Variants in LINGO2 observed in about 807,000 individuals in gnomAD.
The protein encoded by LINGO2 is leucine-rich repeat and immunoglobulin-like domain-containing nogo receptor-interacting protein 2.
In LINGO2, 14 loss-of-function variants were observed where a neutral mutation model predicts 30.6. The observed-to-expected ratio is 0.46, with a 90% CI of 0.30 to 0.72. LINGO2 has a LOEUF of 0.72. Among genes scored for constraint, LINGO2 ranks in the 30% least tolerant of loss-of-function variants. LINGO2 has a pLI of 0.07. For synonymous variants in LINGO2, 317 were observed against 288.5 expected, an observed-to-expected ratio of 1.10 and a Z score of -1.00; for missense variants, 729 against 751.7, an observed-to-expected ratio of 0.97 and a Z score of 0.35.
intron 4 of LINGO2, among the ~76,000 whole-genome samples, chr9:28,187,511 A>G (rs960010900): frequency 2.0e-5 from 3 of 150,486 alleles, no homozygotes; most frequent in East Asian, 3.9e-4. Context: ...AAAAAAAGAC[A>G]GAGGATTCAC....
the LINGO2 span, among the ~76,000 whole-genome samples, chr9:28,685,169 T>C: frequency 0.15 from 23,145 of 152,212 alleles, 2,448 homozygotes; most frequent in African/African-American, 0.3. Context: ...TCATTCTTTT[T>C]TATGATTGCA....
the LINGO2 span, among the ~76,000 whole-genome samples, chr9:29,201,413 C>A: frequency 1.3e-5 from 2 of 152,148 alleles, no homozygotes; most frequent in South Asian, 4.1e-4. Flanking sequence ...TCAGTGCTTA[C>A]TCAGATACAA....
intron 4 of LINGO2, among the ~76,000 whole-genome samples, chr9:28,199,102 G>A (rs1442832018): frequency 6.6e-6 from 1 of 152,048 alleles, no homozygotes; most frequent in African/African-American, 2.4e-5. Context: ...GTAAATACAT[G>A]TATCATAGTT....
At chr9:28,919,644 T>A in the LINGO2 span, among the ~76,000 whole-genome samples, 2 of 152,134 alleles carry the variant, frequency 1.3e-5, no homozygotes, top group Non-Finnish European at 2.9e-5. Context: ...ATGGACATTC[T>A]TTTATTCAGT....
downstream of LINGO2, chr9:27,943,082 T>A (rs573374477): frequency 6.7e-6 from 1 of 149,474 alleles, no homozygotes; most frequent in East Asian, 1.9e-4. Context: ...AAATTTTTTT[T>A]GCAAGTCTGA....
intron 3 of LINGO2, among the ~76,000 whole-genome samples, chr9:28,298,116 C>G (rs1823992636): frequency 6.6e-6 from 1 of 152,074 alleles, no homozygotes; most frequent in South Asian, 2.1e-4. Context: ...TATGAAAAAA[C>G]ACGCTTCAAA....
chr9:28,140,002 T>C lies in LINGO2; in HGVS notation c.-86-127597A>G, dbSNP rs575180334. On this transcript the variant is annotated intron_variant, in intron 4 of 5. Coordinates refer to ENST00000379992, the Ensembl canonical transcript of LINGO2. ...GCCTTTACCGTCAAAAGTATTTTTG[T>C]ATGAGAATGATGTGCATACAGACAT... is the stretch of plus-strand genomic sequence containing the variant. 8.3e-4 allele frequency among the ~76,000 whole-genome samples: 127 copies of C among 152,324 alleles called. 1 individual carries two copies. Among genetic ancestry groups the C allele is most frequent in the African/African-American group, 2.8e-3 (118 of 41,580 alleles).
At chr9:28,123,692 C>T (rs1048538460) in intron 4 of LINGO2, among the ~76,000 whole-genome samples, 4 of 151,016 alleles carry the variant, frequency 2.6e-5, no homozygotes, top group Non-Finnish European at 5.9e-5. Flanking sequence ...TTGACGGAGT[C>T]TCATTCTGTC....
At chr9:29,121,005 C>A in the LINGO2 span, among the ~76,000 whole-genome samples, 8 of 152,142 alleles carry the variant, frequency 5.3e-5, no homozygotes. Context: ...TCATAATCTT[C>A]ACCTGAAAAC....
downstream of LINGO2, chr9:27,943,520 A>G (rs983169096): frequency 1.3e-5 from 2 of 152,314 alleles, no homozygotes; most frequent in South Asian, 2.1e-4. Context: ...GAGAGGAAAA[A>G]AAATCAGAAT....
At chr9:28,209,840 T>A (rs1221876701) in intron 4 of LINGO2, among the ~76,000 whole-genome samples, 1 of 151,842 alleles carries the variant, frequency 6.6e-6, no homozygotes, top group African/African-American at 2.4e-5. Context: ...AGTGTATTTA[T>A]ATTTTATTTC....
At chr9:29,026,991 T>C in the LINGO2 span, among the ~76,000 whole-genome samples, 4 of 152,142 alleles carry the variant, frequency 2.6e-5, no homozygotes, top group African/African-American at 9.7e-5. Context: ...GAATGATATG[T>C]TTCAAGGATA....
At chr9:28,128,914 G>A (rs1212477596) in intron 4 of LINGO2, among the ~76,000 whole-genome samples, 1 of 152,160 alleles carries the variant, frequency 6.6e-6, no homozygotes, top group Non-Finnish European at 1.5e-5. Flanking sequence ...CTCAGTCTGC[G>A]TGGGCACCAT....
At chr9:28,244,530 A>G (rs550753754) in intron 4 of LINGO2, among the ~76,000 whole-genome samples, 1 of 152,266 alleles carries the variant, frequency 6.6e-6, no homozygotes, top group Admixed American at 6.5e-5. Flanking sequence ...GGTTTATTGA[A>G]AAAAATTAAT....
chr9:28,262,703 AATGT>A (rs35226457), intron 4 of LINGO2, among the ~76,000 whole-genome samples: 25,876 of 151,890 alleles, frequency 0.17, 2,377 homozygotes, highest in Middle Eastern at 0.26. Context: ...TTTACATGTG[AATGT>A]TAAAAGAATC....
the LINGO2 span, among the ~76,000 whole-genome samples, chr9:29,076,706 T>G: frequency 2.6e-5 from 4 of 151,034 alleles, no homozygotes; most frequent in Middle Eastern, 3.2e-3. Context: ...AGGGACAGGG[T>G]TAGGATTCTA....
the LINGO2 span, among the ~76,000 whole-genome samples, chr9:28,835,109 T>G: frequency 4.2e-4 from 64 of 152,186 alleles, no homozygotes; most frequent in Non-Finnish European, 7.5e-4. Context: ...GTGCTGAGAA[T>G]AGGCAGCAGA....
At chr9:29,065,936 T>C in the LINGO2 span, among the ~76,000 whole-genome samples, 1 of 151,988 alleles carries the variant, frequency 6.6e-6, no homozygotes, top group Admixed American at 6.6e-5. Flanking sequence ...GTGGTAGTTA[T>C]TTCTGTTGGA....
chr9:29,003,885 T>C, the LINGO2 span, among the ~76,000 whole-genome samples: 1 of 152,072 alleles, frequency 6.6e-6, no homozygotes, highest in South Asian at 2.1e-4. Flanking sequence ...GTGTTTGTTA[T>C]TATTTGTCTA....
Sources: allele counts gnomAD v4.1 joint callset (sites outside exome capture counted in the v4.1 genomes callset), GRCh38; gene constraint gnomAD v4.1.1; transcripts MANE v1.5; gene names NCBI Gene and HGNC (gene_info 2026-07-23, HGNC 2026-07-21).